Variants in ZNF250 observed in about 807,000 individuals in gnomAD.
The protein encoded by ZNF250 is zinc finger protein 250.
Under a neutral mutation model 37.1 loss-of-function variants are expected in ZNF250, and 13 were observed. The ratio of observed to expected loss-of-function variants is 0.35; its 90% CI spans 0.23 to 0.56. ZNF250 has a LOEUF of 0.56. Among genes scored for constraint, ZNF250 ranks in the 20% least tolerant of loss-of-function variants. The pLI, the probability that ZNF250 is intolerant of heterozygous loss-of-function variation, is 0.87. For synonymous variants in ZNF250, 251 were observed against 265.6 expected (o/e 0.94, Z 0.54); for missense variants, 474 against 697.9 (o/e 0.68, Z 3.61).
rs1304460166 is a variant in ZNF250, at chr8:144,880,357, G to A, written c.*1158C>T. Reference sequence around the variant, plus strand: ...GGGAAATACCATAAGATGTAAAGAGGTACCCACTTGGTGTAACAGCTATGA... The same window carrying A: ...GGGAAATACCATAAGATGTAAAGAGATACCCACTTGGTGTAACAGCTATGA... On this transcript the variant is annotated 3_prime_UTR_variant, in exon 6 of 6. Coordinates refer to ENST00000417550, the MANE Select transcript of ZNF250 (RefSeq NM_001109689.4). 1 of 451,214 alleles carries A rather than the reference G, an allele frequency of 2.2e-6. No individual in the cohort carries two copies. Among genetic ancestry groups the A allele is most frequent in the South Asian group, 1.6e-5 (1 of 64,310 alleles). The allele number at this position is 451,214 out of a possible 1,614,324, so 28.0% of individuals were successfully genotyped here. A position where few individuals can be genotyped will look rare whatever the true frequency, so the allele number is the denominator to read the frequency against.
chr8:144,896,392 A>G (rs1832727674), intron 1 of ZNF250, among the ~76,000 whole-genome samples: 1 of 152,064 alleles, frequency 6.6e-6, no homozygotes, highest in African/African-American at 2.4e-5. Flanking sequence ...AATATGAACA[A>G]AATACATTTT....
At chr8:144,886,600 C>T (rs977646769) in intron 5 of ZNF250, among the ~76,000 whole-genome samples, 4 of 152,004 alleles carry the variant, frequency 2.6e-5, no homozygotes, top group Non-Finnish European at 5.9e-5. Flanking sequence ...ATGATTTCAC[C>T]GAAATAAATG....
At position 144,879,869 on chromosome 8, in the gene ZNF250, C is replaced by T. The variant is rs1718339373; in HGVS notation, c.*1646G>A. The T allele has an allele frequency of 6.6e-6, 1 of 152,306 alleles. No individual in the cohort carries two copies. The highest frequency in any genetic ancestry group is 6.5e-5 in the Admixed American group (1 of 15,282). 9.4% of individuals were successfully genotyped at this position (152,306 alleles called of 1,614,324 possible). A position where few individuals can be genotyped will look rare whatever the true frequency, so the allele number is the denominator to read the frequency against. ...TCACCTGAGGTCAGGAGTTTGAGAC[C>T]AGCCTGGCCAACATGGTGAAACCTC... On this transcript the variant is annotated 3_prime_UTR_variant, in exon 6 of 6. Transcript: ENST00000417550.
intron 1 of ZNF250, among the ~76,000 whole-genome samples, chr8:144,896,474 A>G (rs1832732923): frequency 6.6e-6 from 1 of 152,242 alleles, no homozygotes; most frequent in African/African-American, 2.4e-5. Context: ...AGTTTCCTGG[A>G]ACGAGCCTGT....
intron 1 of ZNF250, among the ~76,000 whole-genome samples, chr8:144,892,040 A>C (rs770590191): frequency 3.3e-5 from 5 of 152,166 alleles, no homozygotes; most frequent in Non-Finnish European, 5.9e-5. Context: ...ATACATGTAT[A>C]TATTTGCACA....
intron 5 of ZNF250, among the ~76,000 whole-genome samples, chr8:144,886,137 C>A (rs1264857386): frequency 1.3e-5 from 2 of 150,932 alleles, no homozygotes; most frequent in African/African-American, 2.4e-5. Context: ...CGGCTTCTGA[C>A]CTGATGCCAG....
At position 144,901,450 on chromosome 8, in the gene ZNF250, A is replaced by T. The variant is rs1029518108; in HGVS notation, c.-106T>A. 5 of 152,370 alleles carry T rather than the reference A, an allele frequency of 3.3e-5. No homozygotes were observed. Among genetic ancestry groups the T allele is most frequent in the African/African-American group, 1.2e-4 (5 of 41,424 alleles). 9.4% of individuals were successfully genotyped at this position (152,370 alleles called of 1,614,324 possible). Reference sequence around the variant, plus strand: ...AGGAACGGCATCCCGCAGCACCTTCAGACAAAGGGCTGCCCCGCCCCGTCT... The same window carrying T: ...AGGAACGGCATCCCGCAGCACCTTCTGACAAAGGGCTGCCCCGCCCCGTCT... On this transcript the variant is annotated 5_prime_UTR_variant, in exon 1 of 6. Coordinates refer to ENST00000417550, the MANE Select transcript of ZNF250 (RefSeq NM_001109689.4). This position sits in a 1 kb window ranked among gnomAD's most constrained non-coding sequence, Gnocchi z 5.4.
At chr8:144,900,960 G>A (rs930652010) in intron 1 of ZNF250, among the ~76,000 whole-genome samples, 1 of 152,192 alleles carries the variant, frequency 6.6e-6, no homozygotes, top group African/African-American at 2.4e-5. Flanking sequence ...CCGGGGGTCC[G>A]GACTGCGCCC....
rs138214845 is a variant in ZNF250, at chr8:144,886,861, CTTG to C, written c.322_324del (p.Gln108del). ...TTACCCCATGGACAAGATAAACTGT[CTTG>C]TTGTGTACAGGCTGTAGTGTGGTCA... On this transcript the variant is annotated inframe_deletion, in exon 5 of 6. Transcript: ENST00000417550. The C allele has an allele frequency of 1.5e-3, 2,409 of 1,613,512 alleles. 24 individuals are homozygous for C. The African/African-American group carries it at 0.023, about 16-fold the overall frequency.
intron 5 of ZNF250, among the ~76,000 whole-genome samples, chr8:144,884,280 C>T (rs1280899297): frequency 2.6e-5 from 4 of 152,186 alleles, no homozygotes; most frequent in Admixed American, 2.0e-4. Context: ...GAGACGGAGT[C>T]TTACCCTGTC....
intron 1 of ZNF250, chr8:144,895,008 A>G (rs1832613535): frequency 6.6e-6 from 1 of 152,172 alleles, no homozygotes; most frequent in African/African-American, 2.4e-5. Flanking sequence ...CTCACACTTT[A>G]TGCCATCTGT....
At chr8:144,886,954 T>C (rs1031858637) in intron 4 of ZNF250, 52 bp from the exon 5 acceptor site, 29 of 1,544,004 alleles carry the variant, frequency 1.9e-5, no homozygotes, top group Non-Finnish European at 2.4e-5. Flanking sequence ...CCTTCAAGAG[T>C]GGAAAATCCT....
intron 4 of ZNF250, 110 bp downstream of exon 4, chr8:144,889,471 A>T: frequency 1.3e-6 from 1 of 793,492 alleles, no homozygotes. Flanking sequence ...ATAAGGTTTT[A>T]CTCCAGGTGG....
At chr8:144,883,658 T>G (rs373823203) in intron 5 of ZNF250, among the ~76,000 whole-genome samples, 1 of 151,404 alleles carries the variant, frequency 6.6e-6, no homozygotes, top group East Asian at 1.9e-4. Flanking sequence ...GATAATTTCA[T>G]GTGGAGAATG....
rs1253632157 is a variant in ZNF250 at position 144,881,291 on chromosome 8, C to T, written c.*224G>A. ...AAAATTCTCTACAATTGTATGATTACTCTCCAACATAACTTCAAGATGTTG... is the reference window on the plus strand; with the variant it reads ...AAAATTCTCTACAATTGTATGATTATTCTCCAACATAACTTCAAGATGTTG... On this transcript the variant is annotated 3_prime_UTR_variant, in exon 6 of 6. Transcript: ENST00000417550. 3.9e-6 allele frequency: 2 copies of T among 517,714 alleles called. No individual in the cohort carries two copies. Among genetic ancestry groups the T allele is most frequent in the Non-Finnish European group, 6.3e-6 (2 of 316,684 alleles). 32.1% of individuals were successfully genotyped at this position (517,714 alleles called of 1,614,324 possible).
intron 3 of ZNF250, 44 bp from the exon 4 acceptor site, chr8:144,889,738 AG>A: frequency 6.3e-7 from 1 of 1,580,026 alleles, no homozygotes; most frequent in South Asian, 1.1e-5. Flanking sequence ...ACATTTACAG[AG>A]CCCCCTCCCC....
At position 144,881,265 on chromosome 8, in the gene ZNF250, C is replaced by T; in HGVS notation, c.*250G>A. The T allele has an allele frequency of 4.9e-6, 2 of 410,432 alleles. No homozygotes were observed. The highest frequency in any genetic ancestry group is 4.1e-6 in the Non-Finnish European group (1 of 242,958). 25.4% of individuals were successfully genotyped at this position (410,432 alleles called of 1,614,324 possible). ...TTAAAGAATTATGGCTGTTTTTTAC[C>T]AAAATTCTCTACAATTGTATGATTA... On this transcript the variant is annotated 3_prime_UTR_variant, in exon 6 of 6. Transcript: ENST00000417550.
chr8:144,899,118 A>C (rs532899324), intron 1 of ZNF250, among the ~76,000 whole-genome samples: 1 of 152,330 alleles, frequency 6.6e-6, no homozygotes, highest in South Asian at 2.1e-4. Context: ...AATTGAAATA[A>C]GCCAGGTACA....
At position 144,878,353 on chromosome 8, in the gene ZNF250, GT is replaced by G. The variant is rs1831251523; in HGVS notation, c.*3161del. The G allele has an allele frequency of 6.6e-6, 1 of 152,198 alleles. No individual in the cohort carries two copies. Among genetic ancestry groups the G allele is most frequent in the Non-Finnish European group, 1.5e-5 (1 of 68,034 alleles). 9.4% of individuals were successfully genotyped at this position (152,198 alleles called of 1,614,324 possible). On this transcript the variant is annotated 3_prime_UTR_variant, in exon 6 of 6. Coordinates refer to ENST00000417550, the MANE Select transcript of ZNF250 (RefSeq NM_001109689.4). ...CTTAGTGATTTCAGCCACCTCTGAAGTTAACACCTGTGTGATCTCAACTCCA... is the reference window on the plus strand; with the variant it reads ...CTTAGTGATTTCAGCCACCTCTGAAGTAACACCTGTGTGATCTCAACTCCA...
Sources: gnomAD v4.1 joint callset for allele counts (sites outside exome capture counted in the v4.1 genomes callset) on GRCh38, gnomAD v4.1.1 for gene constraint, Gnocchi (gnomAD v3.1) non-coding constraint, MANE v1.5 for transcripts, NCBI Gene and HGNC (gene_info 2026-07-23, HGNC 2026-07-21) for gene names.